ELF5: variants seen among roughly 807,000 people sequenced by gnomAD.
ELF5 encodes the protein E74 like ETS transcription factor 5, also known as ETS-related transcription factor Elf-5.
Under a neutral mutation model 38.2 loss-of-function variants are expected in ELF5, and 31 were observed. The ratio of observed to expected loss-of-function variants is 0.81; its 90% CI spans 0.61 to 1.10. The LOEUF is 1.10. ELF5 is among the 50% of genes least tolerant of loss of function. The pLI, the probability that ELF5 is intolerant of heterozygous loss-of-function variation, is 0.00. For missense variants in ELF5, 300 were observed against 306.6 expected (o/e 0.98, Z 0.16); for synonymous variants, 121 against 112.5 (o/e 1.08, Z -0.48).
chr11:34,480,073 T>C lies in ELF5; in HGVS notation c.*145A>G. ...CATAGACAACAACTCTGAATCCAAA[T>C]GTAAGCTGAGATGTGGAGAAATTTT... On this transcript the variant is annotated 3_prime_UTR_variant, in exon 7 of 7. Transcript: ENST00000257832. 1.5e-6 allele frequency: 1 copy of C among 668,154 alleles called. No individual in the cohort carries two copies. Among genetic ancestry groups the C allele is most frequent in the Non-Finnish European group, 2.5e-6 (1 of 394,238 alleles). 41.4% of individuals were successfully genotyped at this position (668,154 alleles called of 1,614,324 possible).
chr11:34,478,940 G>A lies in ELF5; in HGVS notation c.*1278C>T, dbSNP rs544560536. 3 of 152,752 alleles carry A rather than the reference G, an allele frequency of 2.0e-5. No homozygotes were observed. Among genetic ancestry groups the A allele is most frequent in the Admixed American group, 1.3e-4 (2 of 15,302 alleles). The allele number at this position is 152,752 out of a possible 1,614,324, so 9.5% of individuals were successfully genotyped here. A position where few individuals can be genotyped will look rare whatever the true frequency, so the allele number is the denominator to read the frequency against. On this transcript the variant is annotated 3_prime_UTR_variant, in exon 7 of 7. Transcript: ENST00000257832. ...ACTCTAATAAGGAGGTCTTCAGCCT[G>A]TACAGCGATTCAGTGCCTCACCACT...
chr11:34,497,294 A>C (rs950339403), intron 2 of ELF5, among the ~76,000 whole-genome samples: 1 of 152,248 alleles, frequency 6.6e-6, no homozygotes, highest in Non-Finnish European at 1.5e-5. Flanking sequence ...AAGTTGAGCC[A>C]TGAGGCCCTT....
At chr11:34,481,322 C>G (rs1169228373) in intron 5 of ELF5, among the ~76,000 whole-genome samples, 2 of 152,088 alleles carry the variant, frequency 1.3e-5, no homozygotes, top group African/African-American at 4.8e-5. Flanking sequence ...CCGTGCCCAG[C>G]TTGTTTTTTT....
At chr11:34,493,203 T>C (rs1468899298) in intron 3 of ELF5, 1 of 591,822 alleles carries the variant, frequency 1.7e-6, no homozygotes, top group African/African-American at 1.9e-5. Flanking sequence ...TACTGTATTA[T>C]TATCAGCCTG....
chr11:34,512,635 A>C (rs1389894233), intron 1 of ELF5, among the ~76,000 whole-genome samples: 3 of 151,334 alleles, frequency 2.0e-5, no homozygotes. Context: ...ACGGGGCATA[A>C]TACATATATT....
At chr11:34,499,233 G>A (rs1850392375) in intron 2 of ELF5, among the ~76,000 whole-genome samples, 1 of 152,082 alleles carries the variant, frequency 6.6e-6, no homozygotes. Flanking sequence ...AAAATTTTGA[G>A]GGAAAATTTT....
chr11:34,485,637 C>T (rs1031791960), intron 4 of ELF5, among the ~76,000 whole-genome samples: 1 of 152,178 alleles, frequency 6.6e-6, no homozygotes, highest in Non-Finnish European at 1.5e-5. Context: ...GTTTATGAGG[C>T]TGATGGGAAT....
chr11:34,490,028 G>A lies in ELF5; in HGVS notation c.387C>T (p.Ser129=). 6.2e-7 allele frequency: 1 copy of A among 1,614,020 alleles called. No individual in the cohort carries two copies. The highest frequency in any genetic ancestry group is 8.5e-7 in the Non-Finnish European group (1 of 1,179,954). ...ACTTACAGTCTTTGATGGTGGCCTT[G>A]CTTTCTTCAGCGTCATTAAAAAAGG... ...GYSFFNDAEE[S]KATIKDYADS... Residue 129 remains serine, a synonymous_variant, in exon 4 of 7, where the codon AGC becomes AGT. Transcript: ENST00000257832.
At chr11:34,496,452 A>G (rs1850323671) in intron 2 of ELF5, among the ~76,000 whole-genome samples, 1 of 152,142 alleles carries the variant, frequency 6.6e-6, no homozygotes, top group African/African-American at 2.4e-5. Context: ...CAGACGAGGG[A>G]CGCCGCTGTC....
chr11:34,502,547 C>T (rs750901361), intron 2 of ELF5, among the ~76,000 whole-genome samples: 3 of 152,252 alleles, frequency 2.0e-5, no homozygotes, highest in Non-Finnish European at 4.4e-5. Context: ...AGAGCAGGGG[C>T]TACAAGGCTC....
At chr11:34,501,870 C>G (rs1446476848) in intron 2 of ELF5, among the ~76,000 whole-genome samples, 1 of 152,148 alleles carries the variant, frequency 6.6e-6, no homozygotes. Flanking sequence ...GTATTCCACC[C>G]TTCCCTCTCC....
chr11:34,510,544 G>T (rs1451192858), intron 1 of ELF5, among the ~76,000 whole-genome samples: 1 of 152,122 alleles, frequency 6.6e-6, no homozygotes, highest in Non-Finnish European at 1.5e-5. Flanking sequence ...GTGTGAAAAG[G>T]CAGATGTCCA....
chr11:34,488,352 G>T (rs1398284819), intron 4 of ELF5, among the ~76,000 whole-genome samples: 1 of 152,108 alleles, frequency 6.6e-6, no homozygotes, highest in Non-Finnish European at 1.5e-5. Flanking sequence ...GGGAGCAAAG[G>T]CATGAAGGGC....
At chr11:34,511,697 A>G (rs1237668616) in intron 1 of ELF5, 2 of 1,173,878 alleles carry the variant, frequency 1.7e-6, no homozygotes, top group African/African-American at 3.1e-5. Context: ...TCAGTGTCAC[A>G]CAAATCAGAG....
chr11:34,510,743 G>A (rs1442577432), intron 1 of ELF5, among the ~76,000 whole-genome samples: 1 of 152,176 alleles, frequency 6.6e-6, no homozygotes, highest in Non-Finnish European at 1.5e-5. Context: ...TACAGTAGAT[G>A]TATAGTTTAT....
chr11:34,504,039 C>T (rs1173371672), intron 2 of ELF5, among the ~76,000 whole-genome samples: 2 of 152,128 alleles, frequency 1.3e-5, no homozygotes, highest in Non-Finnish European at 2.9e-5. Flanking sequence ...GCCCGCCCCT[C>T]CCACTGCCAC....
intron 3 of ELF5, chr11:34,493,200 T>C: frequency 1.7e-6 from 1 of 589,928 alleles, no homozygotes; most frequent in South Asian, 2.1e-5. Flanking sequence ...ATATACTGTA[T>C]TATTATCAGC....
At chr11:34,487,335 G>A (rs956941168) in intron 4 of ELF5, among the ~76,000 whole-genome samples, 2 of 152,060 alleles carry the variant, frequency 1.3e-5, no homozygotes, top group African/African-American at 2.4e-5. Context: ...ATCAGCAGAG[G>A]GCTTGTCTCC....
At chr11:34,494,850 T>C (rs1850278457) in intron 2 of ELF5, among the ~76,000 whole-genome samples, 1 of 152,242 alleles carries the variant, frequency 6.6e-6, no homozygotes, top group South Asian at 2.1e-4. Flanking sequence ...ACCTGTATCA[T>C]AGTGCTGTTC....
Sources: gnomAD v4.1 joint callset for allele counts (sites outside exome capture counted in the v4.1 genomes callset) on GRCh38, gnomAD v4.1.1 for gene constraint, MANE v1.5 for transcripts, NCBI Gene and HGNC (gene_info 2026-07-23, HGNC 2026-07-21) for gene names.